Variants in POLN observed in about 807,000 individuals in gnomAD.
The protein encoded by POLN is DNA polymerase N.
A neutral mutation model predicts 113.5 loss-of-function variants in POLN; 108 were observed. The observed-to-expected ratio is 0.95, with a 90% CI of 0.81 to 1.12. The LOEUF (loss-of-function observed/expected upper bound fraction) is 1.12, where lower values mean the gene tolerates loss of function less well. POLN is among the 50% of genes most tolerant of loss of function. The pLI is 0.00. For synonymous variants in POLN, 386 were observed against 391.5 expected, an observed-to-expected ratio of 0.99 and a Z score of 0.17; for missense variants, 1,097 against 1,077.1, an observed-to-expected ratio of 1.02 and a Z score of -0.26.
intron 4 of POLN, among the ~76,000 whole-genome samples, chr4:2,210,094 C>CA (rs1329930662): frequency 6.6e-6 from 1 of 151,268 alleles, no homozygotes; most frequent in African/African-American, 2.4e-5. Context: ...CACTTGGTCA[C>CA]ATGTTATGAA....
At chr4:2,173,804 C>T in intron 11 of POLN, 151 bp downstream of exon 11, 1 of 759,914 alleles carries the variant, frequency 1.3e-6, no homozygotes, top group African/African-American at 1.7e-5. Context: ...GCTTGGTTCT[C>T]CCCTGCAGGC....
At chr4:2,124,520 C>T (rs1731530561) in intron 19 of POLN, among the ~76,000 whole-genome samples, 1 of 152,186 alleles carries the variant, frequency 6.6e-6, no homozygotes, top group Non-Finnish European at 1.5e-5. Flanking sequence ...CTCAAGTGAT[C>T]CTCTCCTCTT....
At chr4:2,164,485 G>A (rs1342824071) in intron 13 of POLN, among the ~76,000 whole-genome samples, 4 of 125,718 alleles carry the variant, frequency 3.2e-5, no homozygotes, top group Non-Finnish European at 6.4e-5. Flanking sequence ...TGGGCAACAA[G>A]AGTGAAACTC....
chr4:2,201,412 A>T (rs2108760874), intron 5 of POLN, among the ~76,000 whole-genome samples: 1 of 151,724 alleles, frequency 6.6e-6, no homozygotes, highest in East Asian at 1.9e-4. Flanking sequence ...GCTCTAGAAA[A>T]TCTCACCATT....
intron 24 of POLN, among the ~76,000 whole-genome samples, chr4:2,074,468 C>T (rs1283756996): frequency 6.6e-6 from 1 of 152,192 alleles, no homozygotes; most frequent in Non-Finnish European, 1.5e-5. Flanking sequence ...GTTTTCTTTC[C>T]TTTTTTAACC....
intron 16 of POLN, among the ~76,000 whole-genome samples, chr4:2,150,066 G>C (rs1206771196): frequency 6.6e-6 from 1 of 151,978 alleles, no homozygotes; most frequent in Admixed American, 6.6e-5. Context: ...CTGGGCAACA[G>C]TGTGAGACTC....
intron 16 of POLN, among the ~76,000 whole-genome samples, chr4:2,136,844 G>A (rs1238641861): frequency 3.3e-5 from 5 of 152,244 alleles, no homozygotes; most frequent in African/African-American, 1.2e-4. Flanking sequence ...TGCTTTTAAT[G>A]TGTTGACTAT....
At chr4:2,123,105 G>A (rs1731488646) in intron 19 of POLN, among the ~76,000 whole-genome samples, 1 of 151,972 alleles carries the variant, frequency 6.6e-6, no homozygotes, top group Admixed American at 6.5e-5. Context: ...AGGCTGCAGT[G>A]AGCTGTGAGT....
intron 24 of POLN, 74 bp downstream of exon 24, chr4:2,075,378 C>G: frequency 6.7e-7 from 1 of 1,501,376 alleles, no homozygotes; most frequent in Non-Finnish European, 9.2e-7. Flanking sequence ...CTTTCCTGGG[C>G]TGTGCCCATG....
rs780647901 is a variant in POLN at position 2,074,267 on chromosome 4, G to A, written c.2455+1185C>T. ...GCAGAGATGCTGGGCGCTACACACC[G>A]CCTGGGAGATATGACCTGACCCCCA... On this transcript the variant is annotated intron_variant, in intron 24 of 25. Coordinates refer to ENST00000511885, the MANE Select transcript of POLN (RefSeq NM_181808.4). Among the ~76,000 whole-genome samples, 17 of 152,268 alleles carry A rather than the reference G, an allele frequency of 1.1e-4. No homozygotes were observed. The East Asian group carries it at 1.4e-3, about 12-fold the overall frequency.
intron 2 of POLN, chr4:2,241,053 G>T: frequency 2.5e-6 from 2 of 784,336 alleles, no homozygotes; most frequent in Non-Finnish European, 4.1e-6. Context: ...CAAGTCCACA[G>T]AGAAGGGAAA....
intron 19 of POLN, among the ~76,000 whole-genome samples, chr4:2,113,684 C>T (rs947061497): frequency 6.6e-6 from 1 of 151,314 alleles, no homozygotes. Flanking sequence ...ATGGAGAAAC[C>T]CCATCTCTAC....
intron 11 of POLN, among the ~76,000 whole-genome samples, chr4:2,171,657 T>G (rs1732864603): frequency 6.6e-6 from 1 of 150,394 alleles, no homozygotes; most frequent in Non-Finnish European, 1.5e-5. Flanking sequence ...ATACACACTT[T>G]GGCCAGGCAC....
rs374897615 is a variant in POLN at position 2,208,342 on chromosome 4, G to A, written c.359C>T (p.Pro120Leu). Reference sequence around the variant, plus strand: ...AACTGAAGCCTCTTGATTATACTGTGGAATTAAACAACTTGAAAGAGTCAA... The same window carrying A: ...AACTGAAGCCTCTTGATTATACTGTAGAATTAAACAACTTGAAAGAGTCAA... ...SSLTLSSCLIPQYNQEASVLQ... is the reference protein window; with the variant it reads ...SSLTLSSCLILQYNQEASVLQ... The change falls in exon 5 of 26, where the codon CCA (proline) becomes CTA (leucine). Residue 120 changes from proline to leucine, a missense_variant. Pro to Leu is a moderately conservative substitution (Grantham distance 98). Coordinates refer to ENST00000511885, the MANE Select transcript of POLN (RefSeq NM_181808.4). 1.4e-5 allele frequency: 22 copies of A among 1,613,084 alleles called. No homozygotes were observed. In the Middle Eastern group the frequency reaches 4.9e-4, roughly 36 times the overall value.
chr4:2,124,090 T>C (rs1028163886), intron 19 of POLN, among the ~76,000 whole-genome samples: 3 of 152,164 alleles, frequency 2.0e-5, no homozygotes, highest in Non-Finnish European at 4.4e-5. Context: ...AGAAGCCAGA[T>C]ACAAAAGGTT....
chr4:2,096,730 G>C (rs7657115), intron 19 of POLN, among the ~76,000 whole-genome samples: 7,547 of 145,428 alleles, frequency 0.052, 622 homozygotes, highest in African/African-American at 0.18. Context: ...GAGAGAGAGA[G>C]ACACACAGAG....
chr4:2,213,411 A>G (rs1239003424), intron 3 of POLN, among the ~76,000 whole-genome samples: 1 of 152,210 alleles, frequency 6.6e-6, no homozygotes, highest in Non-Finnish European at 1.5e-5. Context: ...GACTCTAAAA[A>G]CCCAAGGTCA....
intron 7 of POLN, among the ~76,000 whole-genome samples, chr4:2,187,362 G>A (rs1733303287): frequency 6.6e-6 from 1 of 152,134 alleles, no homozygotes; most frequent in Admixed American, 6.5e-5. Context: ...TCCTGTCTCA[G>A]CCTCCCGAGT....
intron 7 of POLN, among the ~76,000 whole-genome samples, chr4:2,183,105 A>G (rs1002145889): frequency 1.3e-5 from 2 of 152,248 alleles, no homozygotes; most frequent in Non-Finnish European, 2.9e-5. Flanking sequence ...AACCATAAGG[A>G]TGTAACACTT....
Sources: allele counts gnomAD v4.1 joint callset (sites outside exome capture counted in the v4.1 genomes callset), GRCh38; gene constraint gnomAD v4.1.1; transcripts MANE v1.5; gene names NCBI Gene and HGNC (gene_info 2026-07-23, HGNC 2026-07-21).